The following WDR76 variants were observed in gnomAD, a reference collection of about 807,000 sequenced individuals.
WDR76 encodes WD repeat domain 76.
Under a neutral mutation model 70.2 loss-of-function variants are expected in WDR76, and 52 were observed. The observed-to-expected ratio is 0.74, with a 90% CI of 0.59 to 0.93. WDR76 has a LOEUF of 0.93. WDR76 is among the 40% of genes least tolerant of loss of function. WDR76 has a pLI of 0.00. For missense variants in WDR76, 756 were observed against 760.2 expected (o/e 0.99, Z 0.07); for synonymous variants, 292 against 271.1 (o/e 1.08, Z -0.76).
At chr15:43,827,913 G>C in intron 1 of WDR76, 52 bp from the exon 2 acceptor site, 2 of 1,486,018 alleles carry the variant, frequency 1.3e-6, no homozygotes, top group Non-Finnish European at 1.8e-6. Flanking sequence ...TGTAAGAAAA[G>C]GCACAGGACT....
intron 11 of WDR76, among the ~76,000 whole-genome samples, chr15:43,861,028 T>G (rs2087990932): frequency 6.6e-6 from 1 of 150,602 alleles, no homozygotes; most frequent in South Asian, 2.1e-4. Context: ...TCAAGTGATC[T>G]TCTCACCTCA....
chr15:43,837,699 T>C (rs918143013), intron 4 of WDR76, among the ~76,000 whole-genome samples: 1 of 152,088 alleles, frequency 6.6e-6, no homozygotes, highest in South Asian at 2.1e-4. Flanking sequence ...AATATACATA[T>C]AAAAAGGTAC....
intron 12 of WDR76, among the ~76,000 whole-genome samples, chr15:43,861,601 C>G (rs2087998518): frequency 6.6e-6 from 1 of 152,176 alleles, no homozygotes; most frequent in African/African-American, 2.4e-5. Flanking sequence ...TAGTCAGTAG[C>G]TGTTCTCTGC....
intron 2 of WDR76, among the ~76,000 whole-genome samples, chr15:43,834,185 G>A (rs2087626789): frequency 1.3e-5 from 2 of 151,816 alleles, no homozygotes; most frequent in Admixed American, 6.6e-5. Flanking sequence ...TATATCTCAG[G>A]GTTTTAAAAA....
chr15:43,842,365 A>G, intron 5 of WDR76, 50 bp from the exon 6 acceptor site: 1 of 1,550,976 alleles, frequency 6.4e-7, no homozygotes, highest in Non-Finnish European at 8.8e-7. Context: ...CCTTGTGTTT[A>G]TATTCTAGGG....
At chr15:43,857,419 G>A (rs1030992939) in intron 10 of WDR76, 10 of 970,764 alleles carry the variant, frequency 1.0e-5, no homozygotes, top group African/African-American at 3.5e-5. Flanking sequence ...ATATGCATTC[G>A]CCTCTTATGA....
At chr15:43,827,122 T>C (rs1415002745) in intron 1 of WDR76, 30 bp downstream of exon 1, 1 of 1,613,864 alleles carries the variant, frequency 6.2e-7, no homozygotes, top group Non-Finnish European at 8.5e-7. Flanking sequence ...TTCCAAGGTG[T>C]GCTCCTGCCT....
At chr15:43,830,558 G>A (rs1311159194) in intron 2 of WDR76, among the ~76,000 whole-genome samples, 9 of 120,648 alleles carry the variant, frequency 7.5e-5, no homozygotes, top group Middle Eastern at 5.9e-3. Flanking sequence ...GTGAAACTCC[G>A]TCTCAAAAAA....
intron 4 of WDR76, among the ~76,000 whole-genome samples, chr15:43,837,415 T>G (rs901679580): frequency 6.6e-6 from 1 of 152,206 alleles, no homozygotes. Flanking sequence ...TAGCTTTACA[T>G]TTGCATTTTT....
intron 5 of WDR76, among the ~76,000 whole-genome samples, chr15:43,842,157 A>G (rs577082469): frequency 6.6e-6 from 1 of 152,248 alleles, no homozygotes; most frequent in Admixed American, 6.5e-5. Context: ...CTAAGTTTCA[A>G]TCCACTGTCT....
At chr15:43,864,287 G>C (rs1162038438) in intron 12 of WDR76, among the ~76,000 whole-genome samples, 1 of 152,136 alleles carries the variant, frequency 6.6e-6, no homozygotes, top group East Asian at 1.9e-4. Context: ...GGGATTGCTG[G>C]ATCATATGGT....
In WDR76 at chr15:43,839,636, T is replaced by C. The variant is rs773446548; in HGVS notation, c.640T>C (p.Cys214Arg). The C allele has an allele frequency of 6.2e-7, 1 of 1,612,600 alleles. No individual in the cohort carries two copies. The highest frequency in any genetic ancestry group is 1.1e-5 in the South Asian group (1 of 90,850). ...GCCTAAGAGAGAAAATGGGATTGGA[T>C]GTAGAAGGTCAATGCGATTACTAAA... The part of the protein sequence containing the change: ...KKPKRENGIG[C>R]RRSMRLLKVD... Residue 214 changes from cysteine (C) to arginine (R), a missense_variant, in exon 5 of 13, where the codon TGT becomes CGT. Transcript: ENST00000263795.
chr15:43,851,365 A>G (rs2087857858), intron 9 of WDR76, 120 bp downstream of exon 9: 2 of 1,349,566 alleles, frequency 1.5e-6, no homozygotes, highest in South Asian at 2.9e-5. Flanking sequence ...TTTGAGAACT[A>G]CGCTGCCTAA....
chr15:43,852,207 G>T (rs929166925), intron 9 of WDR76, among the ~76,000 whole-genome samples: 2 of 152,070 alleles, frequency 1.3e-5, no homozygotes, highest in Admixed American at 1.3e-4. Flanking sequence ...TTTTGAGACG[G>T]AGTTTTACTC....
chr15:43,839,633 G>C lies in WDR76; in HGVS notation c.637G>C (p.Gly213Arg). 6.2e-7 allele frequency: 1 copy of C among 1,612,052 alleles called. No individual in the cohort carries two copies. Among genetic ancestry groups the C allele is most frequent in the Non-Finnish European group, 8.5e-7 (1 of 1,178,886 alleles). The change falls in exon 5 of 13, where the codon GGA (glycine) becomes CGA (arginine). Residue 213 changes from glycine (G) to arginine (R), a missense_variant. Physicochemically the swap from Gly to Arg is moderately radical, Grantham distance 125. Transcript: ENST00000263795. ...RKKPKRENGI[G>R]CRRSMRLLKV... ...GAAGCCTAAGAGAGAAAATGGGATTGGATGTAGAAGGTCAATGCGATTACT... is the reference window on the plus strand; with the variant it reads ...GAAGCCTAAGAGAGAAAATGGGATTCGATGTAGAAGGTCAATGCGATTACT...
intron 11 of WDR76, among the ~76,000 whole-genome samples, chr15:43,860,189 G>A (rs1234948704): frequency 1.3e-5 from 2 of 152,194 alleles, no homozygotes; most frequent in East Asian, 3.9e-4. Flanking sequence ...AGGCTTTAGT[G>A]AGCTGTGACG....
In WDR76 at chr15:43,827,913, G is replaced by A. The variant is rs188586301; in HGVS notation, c.61-52G>A. The A allele has an allele frequency of 7.5e-3, 11,115 of 1,485,948 alleles. 45 individuals are homozygous for A. The highest frequency in any genetic ancestry group is 8.9e-3 in the Non-Finnish European group (9,931 of 1,110,424). 92.0% of individuals were successfully genotyped at this position (1,485,948 alleles called of 1,614,324 possible). The stretch of plus-strand genomic sequence containing the variant: ...ATCTGTTAGGGATCCTGTAAGAAAA[G>A]GCACAGGACTTGGAGTTCTAATATT... On this transcript the variant is annotated intron_variant, in intron 1 of 12. Coordinates refer to ENST00000263795, the MANE Select transcript of WDR76 (RefSeq NM_024908.4).
At chr15:43,835,971 T>C (rs1317216793) in intron 3 of WDR76, among the ~76,000 whole-genome samples, 190 bp from the exon 4 acceptor site, 2 of 151,960 alleles carry the variant, frequency 1.3e-5, no homozygotes, top group African/African-American at 4.8e-5. Flanking sequence ...TTTTTTTTTT[T>C]TGAGACAGGG....
chr15:43,846,864 G>T (rs1195371756), intron 8 of WDR76, among the ~76,000 whole-genome samples: 1 of 151,474 alleles, frequency 6.6e-6, no homozygotes, highest in Admixed American at 6.6e-5. Flanking sequence ...CTCTACTAAA[G>T]ATACAAAATT....
Sources: allele counts gnomAD v4.1 joint callset (sites outside exome capture counted in the v4.1 genomes callset), GRCh38; gene constraint gnomAD v4.1.1; transcripts MANE v1.5; gene names NCBI Gene and HGNC (gene_info 2026-07-23, HGNC 2026-07-21).